The following SEC31B variants were observed in gnomAD, a reference collection of about 807,000 sequenced individuals.
The protein encoded by SEC31B is protein transport protein Sec31B.
A neutral mutation model predicts 135.0 loss-of-function variants in SEC31B; 113 were observed. That is an observed-to-expected ratio of 0.84 (90% CI 0.72 to 0.98). The LOEUF is 0.98. Ranked by LOEUF, SEC31B falls within the 50% of genes least tolerant of loss-of-function variation. SEC31B has a pLI of 0.00. For synonymous variants in SEC31B, 508 were observed against 549.4 expected (o/e 0.92, Z 1.05); for missense variants, 1,296 against 1,421.1 (o/e 0.91, Z 1.42).
chr10:100,501,259 C>CA (rs1223961860), intron 11 of SEC31B, among the ~76,000 whole-genome samples: 2 of 151,654 alleles, frequency 1.3e-5, no homozygotes, highest in South Asian at 2.1e-4. Flanking sequence ...AAAACAAAAA[C>CA]AAAAAAACCC....
intron 14 of SEC31B, 164 bp from the exon 15 acceptor site, chr10:100,498,371 G>T: frequency 1.4e-6 from 1 of 726,230 alleles, no homozygotes; most frequent in Non-Finnish European, 2.2e-6. Context: ...GTATTTTGGT[G>T]CCCAGGTCTA....
intron 1 of SEC31B, among the ~76,000 whole-genome samples, 176 bp downstream of exon 1, chr10:100,519,606 C>T (rs1224852791): frequency 2.0e-5 from 3 of 152,228 alleles, no homozygotes; most frequent in African/African-American, 7.2e-5. Flanking sequence ...GGATCCAATT[C>T]AAGGGTAGAC....
At chr10:100,508,580 G>A (rs890295875) in intron 5 of SEC31B, 1 of 458,704 alleles carries the variant, frequency 2.2e-6, no homozygotes, top group African/African-American at 2.0e-5. Flanking sequence ...CTGCATGGCA[G>A]AGCCACATAC....
chr10:100,496,233 G>A (rs774664590), intron 18 of SEC31B, 25 bp downstream of exon 18: 1 of 1,610,784 alleles, frequency 6.2e-7, no homozygotes. Context: ...GAAATGGTTT[G>A]CTCTCTCCAC....
intron 3 of SEC31B, among the ~76,000 whole-genome samples, chr10:100,515,133 A>C (rs916227352): frequency 1.3e-5 from 2 of 151,856 alleles, no homozygotes; most frequent in African/African-American, 4.8e-5. Context: ...TCTTCTAAAA[A>C]TATAAAAAAT....
Position 100,502,361 on chromosome 10 carries a change from C to T in SEC31B, c.1303G>A (p.Ala435Thr). Residue 435 changes from alanine to threonine, a missense_variant, in exon 11 of 26, where the codon GCT (alanine) becomes ACT (threonine). Physicochemically the swap from Ala to Thr is moderately conservative, Grantham distance 58 (BLOSUM62 0). Transcript: ENST00000370345. Reference sequence around the variant, plus strand: ...GATCCCAAGGCCTCCTGCAGCTCAGCTGATCGCATCAGGAATTCAGATTCT... The same window carrying T: ...GATCCCAAGGCCTCCTGCAGCTCAGTTGATCGCATCAGGAATTCAGATTCT... Reference protein sequence around the residue: ...TTESEFLMRSAELQEALGSGN... With the variant: ...TTESEFLMRSTELQEALGSGN... 1.2e-6 allele frequency: 2 copies of T among 1,614,156 alleles called. No homozygotes were observed. Among genetic ancestry groups the T allele is most frequent in the Non-Finnish European group, 1.7e-6 (2 of 1,180,006 alleles).
Position 100,488,009 on chromosome 10 carries a change from A to G in SEC31B, c.3360+18T>C, listed in dbSNP as rs1851215743. The G allele has an allele frequency of 1.9e-6, 3 of 1,612,490 alleles. No individual in the cohort carries two copies. Among genetic ancestry groups the G allele is most frequent in the Non-Finnish European group, 2.5e-6 (3 of 1,178,568 alleles). On this transcript the variant is annotated intron_variant, in intron 25 of 25. Transcript: ENST00000370345. ...TGGAAGTGTAGGAGGCAGTGGGAGC[A>G]CAGCTAGCTGTACTTACTGTCCCCT...
chr10:100,488,402 T>C (rs1209939156), intron 24 of SEC31B, among the ~76,000 whole-genome samples: 1 of 139,840 alleles, frequency 7.2e-6, no homozygotes, highest in Non-Finnish European at 1.5e-5. Flanking sequence ...GAGCTTGCAG[T>C]GAGCCGAGAT....
intron 6 of SEC31B, 110 bp downstream of exon 6, chr10:100,507,798 C>A: frequency 6.8e-7 from 1 of 1,477,858 alleles, no homozygotes. Context: ...GCTGACTCCA[C>A]ATGTCCGACA....
chr10:100,514,960 G>A (rs1431602371), intron 3 of SEC31B, among the ~76,000 whole-genome samples: 63 of 142,948 alleles, frequency 4.4e-4, no homozygotes, highest in African/African-American at 1.6e-3. Context: ...CAGACTGGGC[G>A]AGAGAGTGAG....
intron 17 of SEC31B, 47 bp downstream of exon 17, chr10:100,497,088 C>G: frequency 6.2e-7 from 1 of 1,600,084 alleles, no homozygotes; most frequent in Middle Eastern, 1.7e-4. Context: ...CACTAGCCTC[C>G]TAAGGGCCTG....
chr10:100,488,821 G>T (rs754879413), intron 24 of SEC31B, 37 bp downstream of exon 24: 1 of 1,542,444 alleles, frequency 6.5e-7, no homozygotes, highest in South Asian at 1.3e-5. Flanking sequence ...CCAGCGAGGG[G>T]TGCGAGGAGG....
At position 100,488,050 on chromosome 10, in the gene SEC31B, A is replaced by G. The variant is rs755932102; in HGVS notation, c.3337T>C (p.Tyr1113His). ...ACTGTCCCCTCACAGAGCTTCTCATATAGATACTCCAGACGCTGGGCTGCC... is the reference window on the plus strand; with the variant it reads ...ACTGTCCCCTCACAGAGCTTCTCATGTAGATACTCCAGACGCTGGGCTGCC... ...EEAAQRLEYLYEKLCEGTLSP... is the reference protein window; with the variant it reads ...EEAAQRLEYLHEKLCEGTLSP... The change falls in exon 25 of 26, where the codon TAT (tyrosine) becomes CAT (histidine). Residue 1113 changes from tyrosine (Y) to histidine (H), a missense_variant. Physicochemically the swap from Tyr to His is moderately conservative, Grantham distance 83. Coordinates refer to ENST00000370345, the MANE Select transcript of SEC31B (RefSeq NM_015490.4). 1.9e-6 allele frequency: 3 copies of G among 1,614,160 alleles called. No homozygotes were observed. Among genetic ancestry groups the G allele is most frequent in the Non-Finnish European group, 8.5e-7 (1 of 1,180,010 alleles).
At chr10:100,511,359 G>A (rs1851733768) in intron 3 of SEC31B, among the ~76,000 whole-genome samples, 1 of 152,246 alleles carries the variant, frequency 6.6e-6, no homozygotes. Flanking sequence ...GGTGCTCAGG[G>A]AGTGTTCCCA....
rs1589730143 is a variant in SEC31B at position 100,490,955 on chromosome 10, T to C, written c.2473-72A>G. The C allele has an allele frequency of 1.3e-5, 15 of 1,122,422 alleles. No individual in the cohort carries two copies. In the East Asian group the frequency reaches 4.3e-4, roughly 32 times the overall value. 69.5% of individuals were successfully genotyped at this position (1,122,422 alleles called of 1,614,324 possible). A position where few individuals can be genotyped will look rare whatever the true frequency, so the allele number is the denominator to read the frequency against. On this transcript the variant is annotated intron_variant, in intron 19 of 25. Transcript: ENST00000370345. ...TAAATAATAGAAAACAGAAAAATAA[T>C]AGGGAAAATTAATGAAACAAAAACT...
Position 100,495,467 on chromosome 10 carries a change from G to T in SEC31B, c.2390C>A (p.Pro797His). 6.2e-7 allele frequency: 1 copy of T among 1,613,944 alleles called. No homozygotes were observed. Among genetic ancestry groups the T allele is most frequent in the Admixed American group, 1.7e-5 (1 of 60,008 alleles). The part of the protein sequence containing the change: ...AVLGQQSPPF[P>H]FPRIVVGATL... ...AGCTCCCACAACAATCCGGGGGAAG[G>T]GGAAAGGGGGAGACTGTTGGCCCAA... is the stretch of plus-strand genomic sequence containing the variant. The change falls in exon 19 of 26, where the codon CCC becomes CAC. Residue 797 changes from proline (P) to histidine (H), a missense_variant. By Grantham distance (77) the Pro-to-His change is moderately conservative. Transcript: ENST00000370345.
intron 11 of SEC31B, 111 bp downstream of exon 11, chr10:100,502,143 G>T (rs1851535537): frequency 1.3e-6 from 1 of 780,548 alleles, no homozygotes; most frequent in East Asian, 2.4e-5. Context: ...GGGAGTTAAG[G>T]CCTCTGTGAT....
chr10:100,504,435 A>C (rs1851586347), intron 10 of SEC31B, among the ~76,000 whole-genome samples: 2 of 152,206 alleles, frequency 1.3e-5, no homozygotes. Flanking sequence ...AAGGACATCA[A>C]CTGGGAGCCT....
In SEC31B at chr10:100,511,909, C is replaced by T. The variant is rs116622416; in HGVS notation, c.204-2398G>A. ...AATGCCTACGCATCTACTATGAATC[C>T]TCAATTTACAGTGGGAAAAAAAGGT... On this transcript the variant is annotated intron_variant, in intron 3 of 25. Coordinates refer to ENST00000370345, the MANE Select transcript of SEC31B (RefSeq NM_015490.4). Among the ~76,000 whole-genome samples the T allele has an allele frequency of 6.8e-3, 1,036 of 152,238 alleles. 18 individuals carry two copies. Among genetic ancestry groups the T allele is most frequent in the African/African-American group, 0.024 (977 of 41,530 alleles).
Sources: allele counts gnomAD v4.1 joint callset (sites outside exome capture counted in the v4.1 genomes callset), GRCh38; gene constraint gnomAD v4.1.1; transcripts MANE v1.5; gene names NCBI Gene and HGNC (gene_info 2026-07-23, HGNC 2026-07-21).